The following TSC22D1 variants were observed in gnomAD, a reference collection of about 807,000 sequenced individuals.
TSC22D1 encodes the protein TSC22 domain family member 1.
In TSC22D1, 9 loss-of-function variants were observed where a neutral mutation model predicts 74.2. That is an observed-to-expected ratio of 0.12 (90% CI 0.07 to 0.21). TSC22D1 has a LOEUF of 0.21. Among genes scored for constraint, TSC22D1 ranks in the 10% least tolerant of loss-of-function variants. TSC22D1 has a pLI of 1.00. For missense variants in TSC22D1, 1,427 were observed against 1,304.7 expected (o/e 1.09, Z -1.44); for synonymous variants, 586 against 492.5 (o/e 1.19, Z -2.51).
intron 1 of TSC22D1, among the ~76,000 whole-genome samples, chr13:44,441,512 G>A (rs575385889): frequency 2.4e-4 from 37 of 152,218 alleles, no homozygotes; most frequent in Non-Finnish European, 4.3e-4. Flanking sequence ...AAATTGCATG[G>A]CAGGAATGGT....
intron 1 of TSC22D1, chr13:44,474,214 T>C: frequency 2.0e-6 from 2 of 984,246 alleles, no homozygotes; most frequent in Non-Finnish European, 2.4e-6. Context: ...AGTGAGGTAC[T>C]CACAGCAGGA....
chr13:44,439,416 C>A (rs1291247579), intron 1 of TSC22D1, among the ~76,000 whole-genome samples: 1 of 152,268 alleles, frequency 6.6e-6, no homozygotes. Context: ...AAAAAGAAGG[C>A]AAAGGAAATG....
chr13:44,532,226 G>A (rs78702255), intron 1 of TSC22D1, among the ~76,000 whole-genome samples: 2,583 of 152,110 alleles, frequency 0.017, 62 homozygotes, highest in African/African-American at 0.058. Flanking sequence ...TTGCAGATAC[G>A]GACTACTAGC....
intron 1 of TSC22D1, chr13:44,437,057 G>C (rs1187966037): frequency 1.4e-5 from 14 of 973,666 alleles, no homozygotes; most frequent in Non-Finnish European, 1.6e-5. Context: ...CGTGCTCAGA[G>C]GGAGTGGGGT....
chr13:44,545,980 A>C (rs1053352875), intron 1 of TSC22D1, among the ~76,000 whole-genome samples: 1 of 151,746 alleles, frequency 6.6e-6, no homozygotes, highest in African/African-American at 2.4e-5. Flanking sequence ...CCGTCTCAAA[A>C]AAAAAAATAA....
At chr13:44,494,658 T>G (rs1212147295) in intron 1 of TSC22D1, among the ~76,000 whole-genome samples, 1 of 152,028 alleles carries the variant, frequency 6.6e-6, no homozygotes. Flanking sequence ...GAATCTGAAT[T>G]CCAGCATTAT....
rs969130142 is a variant in TSC22D1, at chr13:44,565,149, C to T, written c.2912+8014G>A. The stretch of plus-strand genomic sequence containing the variant: ...AAGAGAAGTCTGGACTAGTGATAGG[C>T]TTTCAGAAGCCAATAGCATACAAAC... On this transcript the variant is annotated intron_variant, in intron 1 of 2. Transcript: ENST00000458659. Among the ~76,000 whole-genome samples, 7 of 152,086 alleles carry T rather than the reference C, an allele frequency of 4.6e-5. 1 individual carries two copies. The highest frequency in any genetic ancestry group is 1.7e-4 in the African/African-American group (7 of 41,412).
chr13:44,468,520 A>C lies in TSC22D1; in HGVS notation c.2913-32425T>G, dbSNP rs1390242154. Among the ~76,000 whole-genome samples the C allele has an allele frequency of 1.3e-5, 2 of 149,932 alleles. 1 individual carries two copies. The highest frequency in any genetic ancestry group is 3.0e-5 in the Non-Finnish European group (2 of 66,890). ...GGACACAGAGAAGTAACTTGCCCATAGTAGATGGATCCAGGTTTCAAAACA... is the reference window on the plus strand; with the variant it reads ...GGACACAGAGAAGTAACTTGCCCATCGTAGATGGATCCAGGTTTCAAAACA... On this transcript the variant is annotated intron_variant, in intron 1 of 2. Coordinates refer to ENST00000458659, the MANE Select transcript of TSC22D1 (RefSeq NM_183422.4).
intron 1 of TSC22D1, among the ~76,000 whole-genome samples, chr13:44,510,797 T>C (rs1879681055): frequency 6.6e-6 from 1 of 152,128 alleles, no homozygotes; most frequent in African/African-American, 2.4e-5. Flanking sequence ...GGTTTCCCCA[T>C]GTTGACCAGG....
At chr13:44,538,829 G>C in intron 1 of TSC22D1, 9 of 985,370 alleles carry the variant, frequency 9.1e-6, no homozygotes, top group Non-Finnish European at 1.1e-5. Flanking sequence ...ATCCATGAAG[G>C]CTCTGCTAGA....
In TSC22D1 at chr13:44,432,480, T is replaced by C. The variant is rs1874126836; in HGVS notation, c.*2146A>G. 1 of 152,240 alleles carries C rather than the reference T, an allele frequency of 6.6e-6. No homozygotes were observed. The highest frequency in any genetic ancestry group is 6.5e-5 in the Admixed American group (1 of 15,284). 9.4% of individuals were successfully genotyped at this position (152,240 alleles called of 1,614,324 possible). A position where few individuals can be genotyped will look rare whatever the true frequency, so the allele number is the denominator to read the frequency against. ...AACAAGCCAATATGAAAGATTTTTC[T>C]TTACGTCCTTTTCAAATTCCCCCAA... On this transcript the variant is annotated 3_prime_UTR_variant, in exon 3 of 3. Coordinates refer to ENST00000458659, the MANE Select transcript of TSC22D1 (RefSeq NM_183422.4).
At chr13:44,507,744 C>T (rs1879505376) in intron 1 of TSC22D1, among the ~76,000 whole-genome samples, 3 of 152,202 alleles carry the variant, frequency 2.0e-5, no homozygotes, top group Admixed American at 2.0e-4. Flanking sequence ...AATTTTCACT[C>T]TTGCCTCAAT....
At chr13:44,565,732 G>A (rs550857484) in intron 1 of TSC22D1, among the ~76,000 whole-genome samples, 17 of 152,082 alleles carry the variant, frequency 1.1e-4, no homozygotes, top group Middle Eastern at 3.4e-3. Flanking sequence ...CTCTTTTATC[G>A]AATTTTTTAA....
At chr13:44,448,404 T>C (rs1338713418) in intron 1 of TSC22D1, among the ~76,000 whole-genome samples, 3 of 152,188 alleles carry the variant, frequency 2.0e-5, no homozygotes, top group African/African-American at 7.2e-5. Context: ...TTAGGGTCAT[T>C]AGAGGCAGTC....
intron 1 of TSC22D1, among the ~76,000 whole-genome samples, chr13:44,523,760 A>G (rs1478132982): frequency 3.3e-5 from 5 of 152,232 alleles, no homozygotes; most frequent in East Asian, 1.9e-4. Context: ...TTGTAACAAT[A>G]TAAGTAGACA....
At chr13:44,546,781 T>G (rs891435692) in intron 1 of TSC22D1, among the ~76,000 whole-genome samples, 4 of 151,152 alleles carry the variant, frequency 2.6e-5, no homozygotes, top group Admixed American at 1.3e-4. Context: ...TGTGTAGGTA[T>G]GTATGTATGT....
chr13:44,451,406 T>C (rs1172504995), intron 1 of TSC22D1: 1 of 152,246 alleles, frequency 6.6e-6, no homozygotes, highest in South Asian at 2.1e-4. Flanking sequence ...GGGTTCTTTT[T>C]TTCCTTTTCA....
At chr13:44,533,564 A>T (rs1191516226) in intron 1 of TSC22D1, among the ~76,000 whole-genome samples, 1 of 151,920 alleles carries the variant, frequency 6.6e-6, no homozygotes, top group African/African-American at 2.4e-5. Flanking sequence ...CGGGTGGATC[A>T]CCTGAGGTCA....
At position 44,556,107 on chromosome 13, in the gene TSC22D1, A is replaced by G. The variant is rs184226024; in HGVS notation, c.2912+17056T>C. ...AAATAAAGCTACTATATCTTTTAAGATACATCTTTACTATTGTTAACTATA... is the reference window on the plus strand; with the variant it reads ...AAATAAAGCTACTATATCTTTTAAGGTACATCTTTACTATTGTTAACTATA... On this transcript the variant is annotated intron_variant, in intron 1 of 2. Coordinates refer to ENST00000458659, the MANE Select transcript of TSC22D1 (RefSeq NM_183422.4). Among the ~76,000 whole-genome samples the G allele has an allele frequency of 2.0e-5, 3 of 152,258 alleles. No individual in the cohort carries two copies. The East Asian group carries it at 5.8e-4, about 29-fold the overall frequency.
Sources: gnomAD v4.1 joint callset for allele counts (sites outside exome capture counted in the v4.1 genomes callset) on GRCh38, gnomAD v4.1.1 for gene constraint, MANE v1.5 for transcripts, NCBI Gene and HGNC (gene_info 2026-07-23, HGNC 2026-07-21) for gene names.